Variants in MECOM observed in about 807,000 individuals in gnomAD.
The protein encoded by MECOM is histone-lysine N-methyltransferase MECOM.
In MECOM, 13 loss-of-function variants were observed where a neutral mutation model predicts 116.3. The observed-to-expected ratio is 0.11, with a 90% CI of 0.07 to 0.18. MECOM has a LOEUF of 0.18. Ranked by LOEUF, MECOM falls within the 10% of genes least tolerant of loss-of-function variation. The pLI is 1.00. For synonymous variants in MECOM, 528 were observed against 535.2 expected (o/e 0.99, Z 0.19); for missense variants, 1,299 against 1,509.0 (o/e 0.86, Z 2.31).
chr3:169,485,998 TATATATA>T (rs1752282725), intron 1 of MECOM, among the ~76,000 whole-genome samples: 1 of 84,000 alleles, frequency 1.2e-5, no homozygotes. Flanking sequence ...TATATATGTA[TATATATA>T]CTATATATAT....
At chr3:169,144,151 G>A (rs143187242) in intron 2 of MECOM, among the ~76,000 whole-genome samples, 89 of 152,068 alleles carry the variant, frequency 5.9e-4, no homozygotes, top group East Asian at 4.4e-3. Flanking sequence ...ATTGAACAGC[G>A]TATATTAACA....
At chr3:169,472,636 A>C (rs1749685298) in intron 1 of MECOM, among the ~76,000 whole-genome samples, 1 of 86,768 alleles carries the variant, frequency 1.2e-5, no homozygotes, top group African/African-American at 6.2e-5. Flanking sequence ...AGAAAAGAAA[A>C]GGAAAGGAAA....
intron 5 of MECOM, among the ~76,000 whole-genome samples, chr3:169,125,396 T>G (rs1190971181): frequency 1.3e-5 from 2 of 152,122 alleles, no homozygotes. Context: ...TATATTCTAC[T>G]ATGCTATATA....
At chr3:169,222,586 A>G (rs996817877) in intron 2 of MECOM, among the ~76,000 whole-genome samples, 1 of 152,230 alleles carries the variant, frequency 6.6e-6, no homozygotes, top group Non-Finnish European at 1.5e-5. Context: ...AAATGCTGAC[A>G]GGGGTCAGTG....
intron 2 of MECOM, among the ~76,000 whole-genome samples, chr3:169,374,067 G>A (rs998003953): frequency 9.2e-5 from 14 of 151,706 alleles, no homozygotes; most frequent in African/African-American, 3.4e-4. Context: ...ACAAGAGAGG[G>A]TCACCAATCC....
chr3:169,598,137 C>T (rs1256852592), intron 1 of MECOM, among the ~76,000 whole-genome samples: 2 of 152,116 alleles, frequency 1.3e-5, no homozygotes, highest in South Asian at 2.1e-4. Context: ...TTAAAAGATT[C>T]ATAATAAGGG....
intron 1 of MECOM, among the ~76,000 whole-genome samples, chr3:169,617,988 G>A (rs918675616): frequency 6.6e-6 from 1 of 152,092 alleles, no homozygotes; most frequent in African/African-American, 2.4e-5. Flanking sequence ...TTTGCACTGA[G>A]CTCTTTCCAA....
intron 2 of MECOM, among the ~76,000 whole-genome samples, chr3:169,246,269 T>C (rs1441887234): frequency 7.2e-5 from 11 of 152,158 alleles, no homozygotes; most frequent in Non-Finnish European, 1.5e-4. Flanking sequence ...GCTGCATAAA[T>C]ACAACATTGG....
chr3:169,594,878 G>GA (rs11371795), intron 1 of MECOM, among the ~76,000 whole-genome samples: 67,346 of 118,884 alleles, frequency 0.57, 18,662 homozygotes, highest in South Asian at 0.61. Context: ...GGATCTAACT[G>GA]AAAAAAAAAA....
chr3:169,147,659 G>A, intron 2 of MECOM: 1 of 985,096 alleles, frequency 1.0e-6, no homozygotes, highest in Non-Finnish European at 1.2e-6. Context: ...TCGCCAGGCA[G>A]GATTTCTTTC....
chr3:169,483,530 G>A, intron 1 of MECOM: 1 of 604,140 alleles, frequency 1.7e-6, no homozygotes, highest in Non-Finnish European at 2.8e-6. Flanking sequence ...AAATAAATGA[G>A]TGGCGAACCA....
At chr3:169,157,848 A>G (rs887116160) in intron 2 of MECOM, among the ~76,000 whole-genome samples, 2 of 152,212 alleles carry the variant, frequency 1.3e-5, no homozygotes, top group African/African-American at 4.8e-5. Context: ...AAATACTTAA[A>G]GAGGAAAGAA....
At chr3:169,464,878 A>G (rs180935893) in intron 1 of MECOM, among the ~76,000 whole-genome samples, 235 of 152,234 alleles carry the variant, frequency 1.5e-3, no homozygotes, top group African/African-American at 5.6e-3. Context: ...TAAACATTAA[A>G]TAGTAAATTT....
intron 1 of MECOM, among the ~76,000 whole-genome samples, chr3:169,558,475 G>A (rs1207458897): frequency 2.0e-5 from 3 of 152,094 alleles, no homozygotes; most frequent in South Asian, 4.2e-4. Context: ...AAAACTCTAA[G>A]TGCTCACTGC....
At chr3:169,274,738 T>C (rs1759381410) in intron 2 of MECOM, among the ~76,000 whole-genome samples, 1 of 152,158 alleles carries the variant, frequency 6.6e-6, no homozygotes, top group Non-Finnish European at 1.5e-5. Context: ...CAGTTAAAAA[T>C]TAAGTTCCTC....
chr3:169,475,606 G>A lies in MECOM; in HGVS notation c.38-94082C>T, dbSNP rs115417349. On this transcript the variant is annotated intron_variant, in intron 1 of 16. Coordinates refer to ENST00000651503, the MANE Select transcript of MECOM (RefSeq NM_004991.4). The stretch of plus-strand genomic sequence containing the variant: ...GTTTTTTTTTTTTCCGAATCTAATA[G>A]CTGTCTTAAATCGGGTAGAAAAGAA... 3.4e-3 allele frequency among the ~76,000 whole-genome samples: 519 copies of A among 151,482 alleles called. 5 individuals are homozygous for A. Among genetic ancestry groups the A allele is most frequent in the African/African-American group, 0.012 (489 of 41,272 alleles).
chr3:169,164,376 G>A (rs1743259570), intron 2 of MECOM, among the ~76,000 whole-genome samples: 1 of 152,154 alleles, frequency 6.6e-6, no homozygotes, highest in Non-Finnish European at 1.5e-5. Flanking sequence ...CTAGCTATGT[G>A]GAATGGTATG....
chr3:169,306,841 T>C lies in MECOM; in HGVS notation c.375+74346A>G, dbSNP rs1044098497. ...TCAAAGTGTGGGCAAGGCCTAGGGCTCAGTCTTCTGCCTTCTTCTCCTCCT... is the reference window on the plus strand; with the variant it reads ...TCAAAGTGTGGGCAAGGCCTAGGGCCCAGTCTTCTGCCTTCTTCTCCTCCT... On this transcript the variant is annotated intron_variant, in intron 2 of 16. Coordinates refer to ENST00000651503, the MANE Select transcript of MECOM (RefSeq NM_004991.4). 3.3e-5 allele frequency among the ~76,000 whole-genome samples: 5 copies of C among 152,210 alleles called. 1 individual carries two copies. The highest frequency in any genetic ancestry group is 3.3e-4 in the Admixed American group (5 of 15,284).
chr3:169,207,173 A>T (rs1006959678), intron 2 of MECOM, among the ~76,000 whole-genome samples: 10 of 152,222 alleles, frequency 6.6e-5, no homozygotes, highest in African/African-American at 2.4e-4. Flanking sequence ...AGAAATAAAC[A>T]GTGTGCATAT....
Sources: allele counts gnomAD v4.1 joint callset (sites outside exome capture counted in the v4.1 genomes callset), GRCh38; gene constraint gnomAD v4.1.1; transcripts MANE v1.5; gene names NCBI Gene and HGNC (gene_info 2026-07-23, HGNC 2026-07-21).